Variants in ARHGEF10 observed in about 807,000 individuals in gnomAD.
ARHGEF10 encodes the protein Rho guanine nucleotide exchange factor (GEF) 10.
Under a neutral mutation model 147.4 loss-of-function variants are expected in ARHGEF10, and 140 were observed. That is an observed-to-expected ratio of 0.95 (90% confidence interval 0.83 to 1.09). ARHGEF10 has a LOEUF of 1.09. Among genes scored for constraint, ARHGEF10 ranks in the 50% least tolerant of loss-of-function variants. The pLI is 0.00. For missense variants in ARHGEF10, 2,222 were observed against 1,752.7 expected (o/e 1.27, Z -4.78); for synonymous variants, 902 against 695.8 (o/e 1.30, Z -4.67).
chr8:1,865,058 T>G (rs1806468848), intron 5 of ARHGEF10, among the ~76,000 whole-genome samples: 1 of 152,260 alleles, frequency 6.6e-6, no homozygotes, highest in Non-Finnish European at 1.5e-5. Flanking sequence ...AGGATGAAAT[T>G]TTTCAAACAT....
At position 1,905,657 on chromosome 8, in the gene ARHGEF10, C is replaced by T; in HGVS notation, c.1908C>T (p.Thr636=). 6.2e-7 allele frequency: 1 copy of T among 1,614,134 alleles called. No homozygotes were observed. Among genetic ancestry groups the T allele is most frequent in the Non-Finnish European group, 8.5e-7 (1 of 1,180,012 alleles). ...ACGACAGAGGAGAGATTGTTAAAAC[C>T]AAAGAACGCCGAGTCTTCATGTTAA... ...VYNDRGEIVK[T]KERRVFMLND... Residue 636 remains threonine, a synonymous_variant, in exon 17 of 29, where the codon ACC becomes ACT. Transcript: ENST00000349830.
At chr8:1,941,620 G>C (rs947678099) in intron 26 of ARHGEF10, among the ~76,000 whole-genome samples, 1 of 151,632 alleles carries the variant, frequency 6.6e-6, no homozygotes, top group African/African-American at 2.4e-5. Flanking sequence ...CACATCCTGA[G>C]ATTCATCTGG....
In ARHGEF10 at chr8:1,869,232, A is replaced by G. The variant is rs1432405172; in HGVS notation, c.661A>G (p.Asn221Asp). ...AATTTACGATGACGTTCCAAGGGAA[A>G]ACTCAGACTCTGAACCAGGTTTGAT... is the stretch of plus-strand genomic sequence containing the variant. ...EAIYDDVPRE[N>D]SDSEPDEMIY... Residue 221 changes from asparagine to aspartate, a missense_variant, in exon 7 of 29, where the codon AAC becomes GAC. Physicochemically the swap from Asn to Asp is conservative, Grantham distance 23. Transcript: ENST00000349830. 4 of 1,614,056 alleles carry G rather than the reference A, an allele frequency of 2.5e-6. No homozygotes were observed. The highest frequency in any genetic ancestry group is 3.4e-6 in the Non-Finnish European group (4 of 1,179,900).
At chr8:1,909,090 C>G (rs1304000041) in intron 17 of ARHGEF10, among the ~76,000 whole-genome samples, 1 of 152,212 alleles carries the variant, frequency 6.6e-6, no homozygotes, top group Non-Finnish European at 1.5e-5. Context: ...CTTCCCTGCA[C>G]TCTCTCTCAT....
chr8:1,836,871 T>C (rs1563154432), intron 1 of ARHGEF10, among the ~76,000 whole-genome samples: 1 of 152,220 alleles, frequency 6.6e-6, no homozygotes. Flanking sequence ...TCACGAGATC[T>C]GATGGGTTTA....
chr8:1,854,933 C>A (rs548649304), intron 2 of ARHGEF10, among the ~76,000 whole-genome samples: 2 of 152,136 alleles, frequency 1.3e-5, no homozygotes, highest in Non-Finnish European at 2.9e-5. Flanking sequence ...ATGCACTGTC[C>A]CAGGTAATCC....
intron 18 of ARHGEF10, among the ~76,000 whole-genome samples, chr8:1,920,236 T>A (rs1812177297): frequency 6.6e-6 from 1 of 152,218 alleles, no homozygotes; most frequent in African/African-American, 2.4e-5. Flanking sequence ...AAGGGTCAAT[T>A]TGATTGGATG....
intron 4 of ARHGEF10, among the ~76,000 whole-genome samples, chr8:1,861,743 G>A (rs1298164849): frequency 1.3e-5 from 2 of 152,154 alleles, no homozygotes; most frequent in Non-Finnish European, 2.9e-5. Context: ...CAGAGTCCTC[G>A]GAACTCACCA....
intron 11 of ARHGEF10, 76 bp downstream of exon 11, chr8:1,885,783 C>A: frequency 8.5e-7 from 1 of 1,173,646 alleles, no homozygotes; most frequent in Non-Finnish European, 1.3e-6. Flanking sequence ...GTGTTTGATG[C>A]TGGTTGGTAA....
At chr8:1,840,391 A>G (rs1381789527) in intron 1 of ARHGEF10, among the ~76,000 whole-genome samples, 2 of 114,022 alleles carry the variant, frequency 1.8e-5, no homozygotes, top group African/African-American at 3.4e-5. Flanking sequence ...TCTGGTGTGG[A>G]AGCTGTCTGG....
intron 18 of ARHGEF10, among the ~76,000 whole-genome samples, chr8:1,919,486 A>T (rs576437940): frequency 1.4e-5 from 2 of 142,670 alleles, no homozygotes; most frequent in Admixed American, 1.4e-4. Flanking sequence ...CTGTCCAGTG[A>T]TGGAGCTGTT....
chr8:1,883,080 C>A (rs1808356266), intron 10 of ARHGEF10, among the ~76,000 whole-genome samples: 1 of 152,194 alleles, frequency 6.6e-6, no homozygotes, highest in Non-Finnish European at 1.5e-5. Flanking sequence ...ATTGGCCCTC[C>A]TGGGCATGGT....
intron 1 of ARHGEF10, among the ~76,000 whole-genome samples, chr8:1,827,141 AG>A (rs1282901359): frequency 1.3e-5 from 2 of 152,164 alleles, no homozygotes; most frequent in African/African-American, 4.8e-5. Context: ...GGTGTGGCAA[AG>A]GGGCCCAGGG....
chr8:1,852,929 C>T (rs560645078), intron 2 of ARHGEF10, among the ~76,000 whole-genome samples: 2 of 152,222 alleles, frequency 1.3e-5, no homozygotes, highest in Non-Finnish European at 2.9e-5. Flanking sequence ...GGGCTGGCCC[C>T]TGAATGCAGC....
rs1296384055 is a variant in ARHGEF10, at chr8:1,937,504, CAG to C, written c.3222+3568_3222+3569del. ...TTATATGCTGTAAATCTCGAAGACT[CAG>C]AGAGAAGCAATGTGTTTGGATCCAG... On this transcript the variant is annotated intron_variant, in intron 26 of 28. Coordinates refer to ENST00000349830, the MANE Select transcript of ARHGEF10 (RefSeq NM_014629.4). The surrounding 1 kb of genome is among the most constrained non-coding windows in gnomAD (Gnocchi z 4.9). Among the ~76,000 whole-genome samples, 2 of 152,198 alleles carry C rather than the reference CAG, an allele frequency of 1.3e-5. No individual in the cohort carries two copies. The highest frequency in any genetic ancestry group is 2.9e-5 in the Non-Finnish European group (2 of 68,040).
In ARHGEF10 at chr8:1,948,735, T is replaced by C. The variant is rs1464919163; in HGVS notation, c.3397+3080T>C. On this transcript the variant is annotated intron_variant, in intron 27 of 28. Coordinates refer to ENST00000349830, the MANE Select transcript of ARHGEF10 (RefSeq NM_014629.4). The surrounding 1 kb of genome is among the most constrained non-coding windows in gnomAD (Gnocchi z 4.9). ...GAGAGTCCTTTCATCTCATCTCCTC[T>C]GTCTAGTCGTCTTTGCCTTTCAGCT... Among the ~76,000 whole-genome samples the C allele has an allele frequency of 6.6e-6, 1 of 152,234 alleles. No homozygotes were observed. Among genetic ancestry groups the C allele is most frequent in the Non-Finnish European group, 1.5e-5 (1 of 68,028 alleles).
At chr8:1,881,242 G>T (rs755914767) in intron 9 of ARHGEF10, among the ~76,000 whole-genome samples, 23 of 149,288 alleles carry the variant, frequency 1.5e-4, no homozygotes, top group Non-Finnish European at 3.0e-4. Flanking sequence ...GGGAGTCCTG[G>T]CCGAGGCTGT....
At chr8:1,891,360 A>G (rs538380176) in intron 11 of ARHGEF10, among the ~76,000 whole-genome samples, 7 of 152,360 alleles carry the variant, frequency 4.6e-5, no homozygotes, top group Admixed American at 6.5e-5. Flanking sequence ...TAAGGGAAAC[A>G]TAACTCTAAA....
At chr8:1,841,586 T>TGGGGGCAGGGAGTA (rs1168900722) in intron 1 of ARHGEF10, among the ~76,000 whole-genome samples, 1 of 151,862 alleles carries the variant, frequency 6.6e-6, no homozygotes, top group African/African-American at 2.4e-5. Context: ...CGCGGCTCCC[T>TGGGGGCAGGGAGTA]GGGGGCAGGG....
Sources: allele counts gnomAD v4.1 joint callset (sites outside exome capture counted in the v4.1 genomes callset), GRCh38; gene constraint gnomAD v4.1.1; non-coding constraint Gnocchi (gnomAD v3.1); transcripts MANE v1.5; gene names NCBI Gene and HGNC (gene_info 2026-07-23, HGNC 2026-07-21).